ADGRL2: variants seen among roughly 807,000 people sequenced by gnomAD.
ADGRL2 encodes the protein calcium-independent alpha-latrotoxin receptor 2.
Under a neutral mutation model 157.4 loss-of-function variants are expected in ADGRL2, and 44 were observed. The ratio of observed to expected loss-of-function variants is 0.28; its 90% CI spans 0.22 to 0.36. ADGRL2 has a LOEUF of 0.36. Among genes scored for constraint, ADGRL2 ranks in the 10% least tolerant of loss-of-function variants. The probability of loss-of-function intolerance (pLI) is 1.00; values close to 1 mark genes in which losing one functional copy is unlikely to be tolerated. For missense variants in ADGRL2, 1,510 were observed against 1,768.9 expected (o/e 0.85, Z 2.63); for synonymous variants, 585 against 624.7 (o/e 0.94, Z 0.95).
chr1:81,949,929 C>T (rs569122711), intron 6 of ADGRL2, among the ~76,000 whole-genome samples: 19 of 152,268 alleles, frequency 1.2e-4, no homozygotes, highest in Admixed American at 4.6e-4. Context: ...GAGAAATAAA[C>T]TTAAGAGTCA....
intron 1 of ADGRL2, among the ~76,000 whole-genome samples, chr1:81,747,162 TG>T (rs2085314229): frequency 7.3e-6 from 1 of 136,386 alleles, no homozygotes; most frequent in African/African-American, 2.6e-5. Context: ...TATATATGTA[TG>T]TGTGTATATA....
At chr1:81,333,778 A>AG (rs1264245757) in intron 1 of ADGRL2, among the ~76,000 whole-genome samples, 1 of 151,922 alleles carries the variant, frequency 6.6e-6, no homozygotes, top group East Asian at 1.9e-4. Flanking sequence ...AAAAAAAAAA[A>AG]AATTCCTTAC....
At chr1:81,864,502 T>C (rs2093478671) in intron 2 of ADGRL2, among the ~76,000 whole-genome samples, 1 of 152,166 alleles carries the variant, frequency 6.6e-6, no homozygotes, top group South Asian at 2.1e-4. Context: ...TAAGGATAAA[T>C]TTTTTAAAAA....
At chr1:81,308,455 G>T (rs527453688) in intron 1 of ADGRL2, among the ~76,000 whole-genome samples, 5 of 152,262 alleles carry the variant, frequency 3.3e-5, no homozygotes, top group African/African-American at 1.2e-4. Flanking sequence ...CTGATTATGT[G>T]AACTTGAGAC....
chr1:81,825,067 T>A lies in ADGRL2; in HGVS notation c.-100-11818T>A, dbSNP rs374197025. On this transcript the variant is annotated intron_variant, in intron 1 of 23. Coordinates refer to ENST00000686636, the MANE Select transcript of ADGRL2 (RefSeq NM_001366006.2). ...GTTGTTAAAATACATACAATAGGGC[T>A]GGGCGCAGTGGCTCAAGCCTGTAAC... is the stretch of plus-strand genomic sequence containing the variant. Among the ~76,000 whole-genome samples, 9 of 151,834 alleles carry A rather than the reference T, an allele frequency of 5.9e-5. No individual in the cohort carries two copies. The East Asian group carries it at 1.8e-3, about 30-fold the overall frequency.
chr1:81,612,443 G>A (rs944766986), intron 3 of ADGRL2, among the ~76,000 whole-genome samples: 1 of 152,154 alleles, frequency 6.6e-6, no homozygotes, highest in African/African-American at 2.4e-5. Flanking sequence ...ACAAAAGTAT[G>A]AAGTACCAAA....
intron 2 of ADGRL2, among the ~76,000 whole-genome samples, chr1:81,480,965 A>G (rs2078374642): frequency 6.6e-6 from 1 of 152,228 alleles, no homozygotes; most frequent in African/African-American, 2.4e-5. Flanking sequence ...GATCATAAGT[A>G]TATTTCAGCA....
intron 1 of ADGRL2, among the ~76,000 whole-genome samples, chr1:81,822,230 C>T (rs1020052284): frequency 7.4e-5 from 11 of 149,096 alleles, no homozygotes; most frequent in African/African-American, 2.6e-4. Flanking sequence ...GTGTTTTCTA[C>T]ACATGTTTCC....
At chr1:81,602,212 C>A (rs2148636515) in intron 3 of ADGRL2, among the ~76,000 whole-genome samples, 1 of 152,356 alleles carries the variant, frequency 6.6e-6, no homozygotes, top group Non-Finnish European at 1.5e-5. Context: ...ACAATCCCAG[C>A]ACTTTGGGAG....
chr1:81,317,960 G>A (rs559284851), intron 1 of ADGRL2, among the ~76,000 whole-genome samples: 2 of 152,164 alleles, frequency 1.3e-5, no homozygotes, highest in South Asian at 2.1e-4. Context: ...TTCCGTGATT[G>A]TATCATAAAT....
At chr1:81,905,947 A>AGAGTGTGT (rs150803524) in intron 2 of ADGRL2, among the ~76,000 whole-genome samples, 11 of 144,484 alleles carry the variant, frequency 7.6e-5, no homozygotes, top group African/African-American at 2.8e-4. Flanking sequence ...AAAAAAGCAG[A>AGAGTGTGT]GTGTGTGTGT....
At chr1:81,485,857 T>C (rs1307058336) in intron 2 of ADGRL2, among the ~76,000 whole-genome samples, 2 of 151,984 alleles carry the variant, frequency 1.3e-5, no homozygotes, top group African/African-American at 4.8e-5. Context: ...AGTGAAGGAC[T>C]GAGGATCAAA....
chr1:81,789,267 C>A (rs1227157660), intron 2 of ADGRL2, among the ~76,000 whole-genome samples: 1 of 152,040 alleles, frequency 6.6e-6, no homozygotes, highest in Non-Finnish European at 1.5e-5. Flanking sequence ...ACAAGTAAAC[C>A]AACAAATACA....
intron 2 of ADGRL2, among the ~76,000 whole-genome samples, chr1:81,874,630 TTGTCTTGTCCTGTCC>T (rs1423453365): frequency 1.2e-4 from 4 of 33,758 alleles, no homozygotes; most frequent in African/African-American, 2.9e-4. Flanking sequence ...TTGTCTTGTC[TTGTCTTGTCCTGTCC>T]TGTCCTGTCC....
intron 1 of ADGRL2, among the ~76,000 whole-genome samples, chr1:81,332,519 C>T (rs1343285881): frequency 3.3e-5 from 5 of 152,076 alleles, no homozygotes; most frequent in Non-Finnish European, 7.4e-5. Flanking sequence ...GTTCCAAGAG[C>T]TTTGGAAACA....
chr1:81,797,978 T>C (rs1571260831), upstream of ADGRL2, among the ~76,000 whole-genome samples: 2 of 152,156 alleles, frequency 1.3e-5, no homozygotes, highest in East Asian at 3.8e-4. Flanking sequence ...CTTTGTAGAA[T>C]TTATTTTAAA....
intron 2 of ADGRL2, among the ~76,000 whole-genome samples, chr1:81,871,286 A>C (rs2093687321): frequency 6.6e-6 from 1 of 152,036 alleles, no homozygotes; most frequent in Admixed American, 6.6e-5. Context: ...ATGGCTGCAT[A>C]GTATTCCATG....
intron 3 of ADGRL2, among the ~76,000 whole-genome samples, chr1:81,921,564 C>A (rs926024720): frequency 1.3e-5 from 2 of 152,172 alleles, no homozygotes; most frequent in Non-Finnish European, 2.9e-5. Flanking sequence ...TCACAGCACA[C>A]GGCCCTCCAC....
chr1:81,575,817 C>T (rs80157458), intron 2 of ADGRL2, among the ~76,000 whole-genome samples: 8,684 of 152,114 alleles, frequency 0.057, 342 homozygotes, highest in African/African-American at 0.1. Context: ...CAAATAAATA[C>T]GCATAGTATC....
Sources: gnomAD v4.1 joint callset for allele counts (sites outside exome capture counted in the v4.1 genomes callset) on GRCh38, gnomAD v4.1.1 for gene constraint, MANE v1.5 for transcripts, NCBI Gene and HGNC (gene_info 2026-07-23, HGNC 2026-07-21) for gene names.